NAV3: variants seen among roughly 807,000 people sequenced by gnomAD.
The protein encoded by NAV3 is pore membrane and/or filament interacting like protein 1.
A neutral mutation model predicts 244.7 loss-of-function variants in NAV3; 87 were observed. The observed-to-expected ratio is 0.36, with a 90% CI of 0.30 to 0.42. The LOEUF is 0.42. Among genes scored for constraint, NAV3 ranks in the 20% least tolerant of loss-of-function variants. NAV3 has a pLI of 1.00. For synonymous variants in NAV3, 1,126 were observed against 1,042.2 expected (o/e 1.08, Z -1.55); for missense variants, 2,663 against 2,893.3 (o/e 0.92, Z 1.83).
At chr12:77,660,838 C>T (rs1592553859) in intron 2 of NAV3, among the ~76,000 whole-genome samples, 1 of 152,094 alleles carries the variant, frequency 6.6e-6, no homozygotes, top group Non-Finnish European at 1.5e-5. Context: ...AAAATGAAAT[C>T]ATACAATACA....
chr12:77,822,288 T>G (rs933819592), intron 2 of NAV3, among the ~76,000 whole-genome samples: 1 of 152,198 alleles, frequency 6.6e-6, no homozygotes, highest in African/African-American at 2.4e-5. Flanking sequence ...GTGCATTCTT[T>G]AAAAATCCGT....
At chr12:77,707,072 T>TCTTG (rs1043475283) in intron 2 of NAV3, among the ~76,000 whole-genome samples, 4 of 151,690 alleles carry the variant, frequency 2.6e-5, no homozygotes, top group African/African-American at 9.7e-5. Flanking sequence ...TTTCTTTCTT[T>TCTTG]CTTTTTTTTT....
chr12:77,638,351 TTCA>T (rs34902379), intron 2 of NAV3, among the ~76,000 whole-genome samples: 30,856 of 152,090 alleles, frequency 0.2, 3,638 homozygotes, highest in African/African-American at 0.33. Flanking sequence ...TTTGCTTTAC[TTCA>T]TCATTATTTT....
At chr12:78,071,136 C>T (rs1337699824) in intron 12 of NAV3, among the ~76,000 whole-genome samples, 3 of 152,130 alleles carry the variant, frequency 2.0e-5, no homozygotes, top group East Asian at 1.9e-4. Flanking sequence ...ACACTGACTT[C>T]CACAATGGTT....
At chr12:77,783,665 A>G (rs1466652527) in intron 2 of NAV3, 1 of 152,234 alleles carries the variant, frequency 6.6e-6, no homozygotes, top group Non-Finnish European at 1.5e-5. Flanking sequence ...CATGGAATGA[A>G]TAGGACTGGA....
At chr12:77,942,320 G>A (rs924786052) in intron 3 of NAV3, among the ~76,000 whole-genome samples, 5 of 151,812 alleles carry the variant, frequency 3.3e-5, no homozygotes, top group African/African-American at 7.3e-5. Context: ...TATGGTGAGC[G>A]AGGATTGTGC....
intron 2 of NAV3, among the ~76,000 whole-genome samples, chr12:77,594,316 GAA>G (rs890742154): frequency 1.5e-4 from 22 of 146,130 alleles, no homozygotes; most frequent in Non-Finnish European, 3.2e-4. Flanking sequence ...ATCTGTGCTA[GAA>G]AAAAAAAAAG....
intron 2 of NAV3, among the ~76,000 whole-genome samples, chr12:77,689,670 G>A (rs1184205210): frequency 6.6e-6 from 1 of 151,642 alleles, no homozygotes; most frequent in Non-Finnish European, 1.5e-5. Flanking sequence ...AAAATTATAA[G>A]GAACCTAAAC....
chr12:77,733,089 G>A (rs1877193637), intron 2 of NAV3, among the ~76,000 whole-genome samples: 1 of 151,948 alleles, frequency 6.6e-6, no homozygotes, highest in South Asian at 2.1e-4. Context: ...GCACCTTCTT[G>A]CAATATTATG....
intron 4 of NAV3, 146 bp from the exon 5 acceptor site, chr12:77,968,373 G>T: frequency 1.5e-6 from 1 of 651,310 alleles, no homozygotes; most frequent in Non-Finnish European, 2.6e-6. Context: ...CAGAAATTCA[G>T]GTTTGTTTGT....
chr12:78,011,195 G>A (rs1875210432), intron 8 of NAV3, among the ~76,000 whole-genome samples: 1 of 152,062 alleles, frequency 6.6e-6, no homozygotes, highest in African/African-American at 2.4e-5. Flanking sequence ...TGTTAAGATG[G>A]CCATCTGAAG....
intron 2 of NAV3, among the ~76,000 whole-genome samples, chr12:77,609,469 T>A (rs985469229): frequency 6.6e-6 from 1 of 152,070 alleles, no homozygotes; most frequent in African/African-American, 2.4e-5. Flanking sequence ...CACTGTTAAA[T>A]GTTTGAAGAG....
At chr12:78,007,667 G>A (rs1329617224) in intron 8 of NAV3, among the ~76,000 whole-genome samples, 1 of 152,136 alleles carries the variant, frequency 6.6e-6, no homozygotes, top group Non-Finnish European at 1.5e-5. Context: ...GTCAGCAATT[G>A]AGACCTTCAA....
intron 12 of NAV3, among the ~76,000 whole-genome samples, chr12:78,108,986 TA>T (rs1224588732): frequency 6.6e-6 from 1 of 151,410 alleles, no homozygotes; most frequent in Non-Finnish European, 1.5e-5. Context: ...AAATAGAGAC[TA>T]AAAAAATACA....
intron 2 of NAV3, among the ~76,000 whole-genome samples, chr12:77,728,728 C>G (rs1448979319): frequency 2.0e-5 from 3 of 151,864 alleles, no homozygotes; most frequent in Non-Finnish European, 4.4e-5. Flanking sequence ...ATGTCCAGAA[C>G]ACACTTACAT....
chr12:78,018,588 T>C (rs1036250897), intron 8 of NAV3, among the ~76,000 whole-genome samples: 2 of 152,170 alleles, frequency 1.3e-5, no homozygotes, highest in Non-Finnish European at 2.9e-5. Flanking sequence ...CGGTGGGCTT[T>C]AGACAAATAT....
chr12:77,917,201 T>G (rs1471193783), intron 1 of NAV3, among the ~76,000 whole-genome samples: 1 of 152,002 alleles, frequency 6.6e-6, no homozygotes, highest in African/African-American at 2.4e-5. Flanking sequence ...TTGCCTGCAT[T>G]AGTACTTTAA....
At chr12:77,589,559 C>A (rs1869808634) in intron 2 of NAV3, among the ~76,000 whole-genome samples, 1 of 152,112 alleles carries the variant, frequency 6.6e-6, no homozygotes, top group African/African-American at 2.4e-5. Context: ...CACATGGGGG[C>A]AGGAAGGAGA....
intron 9 of NAV3, among the ~76,000 whole-genome samples, chr12:78,029,199 C>G (rs1283407447): frequency 1.3e-5 from 2 of 148,222 alleles, no homozygotes; most frequent in East Asian, 4.0e-4. Flanking sequence ...AAAAAAAATA[C>G]TTTCAGAGTC....
Sources: allele counts gnomAD v4.1 joint callset (sites outside exome capture counted in the v4.1 genomes callset), GRCh38; gene constraint gnomAD v4.1.1; transcripts MANE v1.5; gene names NCBI Gene and HGNC (gene_info 2026-07-23, HGNC 2026-07-21).